Variants in RALGAPA1 observed in about 807,000 individuals in gnomAD.
RALGAPA1 encodes ral GTPase-activating protein subunit alpha-1.
In RALGAPA1, 52 loss-of-function variants were observed where a neutral mutation model predicts 269.6. The ratio of observed to expected loss-of-function variants is 0.19; its 90% CI spans 0.15 to 0.24. The LOEUF (loss-of-function observed/expected upper bound fraction) is 0.24, where lower values mean the gene tolerates loss of function less well. RALGAPA1 is among the 10% of genes least tolerant of loss of function. The pLI, the probability that RALGAPA1 is intolerant of heterozygous loss-of-function variation, is 1.00. For synonymous variants in RALGAPA1, 817 were observed against 1,008.3 expected, an observed-to-expected ratio of 0.81 and a Z score of 3.60; for missense variants, 1,917 against 3,013.9, an observed-to-expected ratio of 0.64 and a Z score of 8.52.
At chr14:35,671,238 T>C (rs993389095) in intron 26 of RALGAPA1, 151 bp downstream of exon 26, 7 of 565,916 alleles carry the variant, frequency 1.2e-5, no homozygotes, top group Non-Finnish European at 1.8e-5. Flanking sequence ...ATATTTCAGA[T>C]TTCTTGCTTA....
chr14:35,785,683 A>G (rs2075747383), intron 1 of RALGAPA1, among the ~76,000 whole-genome samples: 2 of 152,190 alleles, frequency 1.3e-5, no homozygotes, highest in African/African-American at 2.4e-5. Flanking sequence ...TAAGGTGAAA[A>G]GCACCAGGAT....
intron 16 of RALGAPA1, chr14:35,716,218 ACC>A (rs931430102): frequency 3.8e-6 from 1 of 264,678 alleles, no homozygotes; most frequent in Non-Finnish European, 5.8e-6. Flanking sequence ...ACATGGTGAA[ACC>A]CCTTCTCACT....
intron 16 of RALGAPA1, among the ~76,000 whole-genome samples, chr14:35,721,263 G>A (rs1488408458): frequency 6.6e-6 from 1 of 152,186 alleles, no homozygotes; most frequent in Non-Finnish European, 1.5e-5. Context: ...CAGAGAAAAT[G>A]AGATTCTTGT....
chr14:35,758,762 A>AG (rs2073425081), intron 6 of RALGAPA1, among the ~76,000 whole-genome samples: 1 of 152,110 alleles, frequency 6.6e-6, no homozygotes, highest in Non-Finnish European at 1.5e-5. Flanking sequence ...CTTAAAAAAG[A>AG]GTGATGAAAG....
At chr14:35,659,046 C>G in intron 28 of RALGAPA1, 92 bp downstream of exon 28, 1 of 817,336 alleles carries the variant, frequency 1.2e-6, no homozygotes, top group Non-Finnish European at 1.9e-6. Flanking sequence ...TTTTATGTAT[C>G]TAAAACAATC....
At chr14:35,718,653 T>G (rs2069075488) in intron 16 of RALGAPA1, among the ~76,000 whole-genome samples, 1 of 151,792 alleles carries the variant, frequency 6.6e-6, no homozygotes, top group African/African-American at 2.4e-5. Flanking sequence ...CCGTGTCCAC[T>G]AAAAATACAA....
chr14:35,671,488 G>A lies in RALGAPA1; in HGVS notation c.5103C>T (p.Cys1701=). The change falls in exon 26 of 42, where the codon TGC becomes TGT. Residue 1701 remains cysteine, a synonymous_variant. Coordinates refer to ENST00000680220, the MANE Select transcript of RALGAPA1 (RefSeq NM_001346249.2). ...AACCAAGTGAAAAAAATTGAGGTGA[G>A]CAGTGTTTGATGATTGTATTGACAA... is the stretch of plus-strand genomic sequence containing the variant. ...QDIVNTIIKH[C]SPQFFSLGLP... is the part of the protein sequence containing the mutation. 1 of 1,582,584 alleles carries A rather than the reference G, an allele frequency of 6.3e-7. No homozygotes were observed. The highest frequency in any genetic ancestry group is 8.7e-7 in the Non-Finnish European group (1 of 1,151,664).
At chr14:35,557,104 G>GTA (rs1435771212) in intron 39 of RALGAPA1, among the ~76,000 whole-genome samples, 1 of 84,388 alleles carries the variant, frequency 1.2e-5, no homozygotes, top group Admixed American at 1.0e-4. Context: ...ATGTATGTGT[G>GTA]TGTGTGTGTG....
chr14:35,795,571 C>G (rs1429798920), intron 1 of RALGAPA1, among the ~76,000 whole-genome samples: 4 of 152,070 alleles, frequency 2.6e-5, no homozygotes, highest in African/African-American at 9.7e-5. Flanking sequence ...TTGCCTTATA[C>G]TAGACAATAA....
intron 31 of RALGAPA1, among the ~76,000 whole-genome samples, chr14:35,638,233 T>C (rs1232142812): frequency 6.6e-6 from 1 of 152,062 alleles, no homozygotes; most frequent in African/African-American, 2.4e-5. Context: ...GATGAAAAGA[T>C]GAACCAATAA....
chr14:35,745,763 C>CA (rs1157650791), intron 10 of RALGAPA1, among the ~76,000 whole-genome samples: 2,489 of 30,314 alleles, frequency 0.082, 116 homozygotes, highest in African/African-American at 0.12. Context: ...GACTCCATCT[C>CA]AAAAAAAAAA....
intron 31 of RALGAPA1, among the ~76,000 whole-genome samples, chr14:35,636,822 C>T (rs778059891): frequency 1.6e-4 from 25 of 152,140 alleles, no homozygotes; most frequent in Admixed American, 5.2e-4. Flanking sequence ...CACCGAGCCT[C>T]GAATTATCTG....
chr14:35,697,572 TC>T (rs2067002311), intron 17 of RALGAPA1, among the ~76,000 whole-genome samples: 1 of 152,018 alleles, frequency 6.6e-6, no homozygotes, highest in Non-Finnish European at 1.5e-5. Flanking sequence ...GGTCTCAAAC[TC>T]CTGACCTCAT....
intron 37 of RALGAPA1, among the ~76,000 whole-genome samples, chr14:35,595,393 C>A (rs1198861774): frequency 6.6e-6 from 1 of 151,856 alleles, no homozygotes; most frequent in Non-Finnish European, 1.5e-5. Flanking sequence ...ATGTTGTAAA[C>A]CCTAAATATA....
chr14:35,576,514 C>A (rs2057570050), intron 37 of RALGAPA1, among the ~76,000 whole-genome samples: 1 of 152,250 alleles, frequency 6.6e-6, no homozygotes, highest in South Asian at 2.1e-4. Context: ...CCAGTGTCTT[C>A]ATTTACATTT....
intron 37 of RALGAPA1, among the ~76,000 whole-genome samples, chr14:35,587,377 C>T (rs1330321346): frequency 2.6e-5 from 4 of 151,996 alleles, no homozygotes; most frequent in African/African-American, 9.7e-5. Flanking sequence ...GGGTGTATAC[C>T]CAAAGAAGTA....
At chr14:35,599,892 T>G (rs1356680885) in intron 36 of RALGAPA1, among the ~76,000 whole-genome samples, 2 of 152,206 alleles carry the variant, frequency 1.3e-5, no homozygotes, top group African/African-American at 4.8e-5. Flanking sequence ...AAGGTACACT[T>G]TTTCTCTGGA....
intron 31 of RALGAPA1, among the ~76,000 whole-genome samples, chr14:35,643,188 G>T (rs530120678): frequency 1.3e-5 from 2 of 151,958 alleles, no homozygotes; most frequent in Non-Finnish European, 2.9e-5. Context: ...TTCGAGGGGT[G>T]GGGGGAGGCG....
At chr14:35,719,802 C>A (rs967564034) in intron 16 of RALGAPA1, among the ~76,000 whole-genome samples, 1 of 140,752 alleles carries the variant, frequency 7.1e-6, no homozygotes, top group East Asian at 2.2e-4. Flanking sequence ...CTCCCTCTGT[C>A]GCTCCAGGCT....
Sources: gnomAD v4.1 joint callset for allele counts (sites outside exome capture counted in the v4.1 genomes callset) on GRCh38, gnomAD v4.1.1 for gene constraint, MANE v1.5 for transcripts, NCBI Gene and HGNC (gene_info 2026-07-23, HGNC 2026-07-21) for gene names.